The following CFAP54 variants were observed in gnomAD, a reference collection of about 807,000 sequenced individuals.
The protein encoded by CFAP54 is cilia and flagella associated protein 54.
Under a neutral mutation model 370.4 loss-of-function variants are expected in CFAP54, and 290 were observed. The observed-to-expected ratio is 0.78, with a 90% CI of 0.71 to 0.86. The LOEUF is 0.86. Among genes scored for constraint, CFAP54 ranks in the 40% least tolerant of loss-of-function variants. CFAP54 has a pLI of 0.00. For synonymous variants in CFAP54, 1,206 were observed against 1,236.5 expected, an observed-to-expected ratio of 0.98 and a Z score of 0.52; for missense variants, 3,399 against 3,528.7, an observed-to-expected ratio of 0.96 and a Z score of 0.93.
chr12:96,630,323 A>G, intron 31 of CFAP54, 119 bp downstream of exon 31: 1 of 590,614 alleles, frequency 1.7e-6, no homozygotes, highest in South Asian at 2.9e-5. Context: ...ACTAACAAGC[A>G]TAATTTTATA....
intron 30 of CFAP54, among the ~76,000 whole-genome samples, chr12:96,627,559 T>G (rs2136472243): frequency 6.6e-6 from 1 of 152,284 alleles, no homozygotes; most frequent in South Asian, 2.1e-4. Flanking sequence ...AACAGTAACA[T>G]GAAACCTGTT....
At chr12:96,597,276 A>G (rs932200711) in intron 25 of CFAP54, among the ~76,000 whole-genome samples, 2 of 151,796 alleles carry the variant, frequency 1.3e-5, no homozygotes, top group Admixed American at 6.6e-5. Context: ...AAATAATGTC[A>G]CTCCTAGTTC....
At chr12:96,774,957 G>A (rs1365650360) in intron 60 of CFAP54, among the ~76,000 whole-genome samples, 1 of 151,910 alleles carries the variant, frequency 6.6e-6, no homozygotes, top group Non-Finnish European at 1.5e-5. Context: ...TCTCCACTTG[G>A]TCATCCATGA....
At chr12:96,809,025 G>A (rs146496068) in intron 63 of CFAP54, among the ~76,000 whole-genome samples, 38 of 152,238 alleles carry the variant, frequency 2.5e-4, no homozygotes, top group African/African-American at 7.9e-4. Flanking sequence ...AATGTGAGGG[G>A]CATTATTCCA....
intron 14 of CFAP54, among the ~76,000 whole-genome samples, chr12:96,541,193 C>T (rs913187244): frequency 1.3e-5 from 2 of 152,014 alleles, no homozygotes; most frequent in Non-Finnish European, 1.5e-5. Context: ...AGGACAAAAT[C>T]CTTTTTGTCT....
At chr12:96,593,215 A>G (rs1956144366) in intron 24 of CFAP54, among the ~76,000 whole-genome samples, 1 of 152,180 alleles carries the variant, frequency 6.6e-6, no homozygotes, top group African/African-American at 2.4e-5. Flanking sequence ...TGCTGTATGT[A>G]CATCTGCAAC....
intron 55 of CFAP54, among the ~76,000 whole-genome samples, chr12:96,748,234 T>C (rs953248150): frequency 2.0e-5 from 3 of 152,240 alleles, no homozygotes; most frequent in Non-Finnish European, 1.5e-5. Context: ...TCTAGAGATA[T>C]CTAGAAGTTT....
intron 67 of CFAP54, among the ~76,000 whole-genome samples, chr12:96,868,351 C>T (rs1001771200): frequency 4.0e-5 from 6 of 150,632 alleles, no homozygotes; most frequent in Admixed American, 2.0e-4. Context: ...ATGTTTTTCA[C>T]ATTTTTTGGT....
rs187258627 is a variant in CFAP54, at chr12:96,801,674, C to G, written c.8850+9175C>G. 1.7e-4 allele frequency among the ~76,000 whole-genome samples: 26 copies of G among 152,272 alleles called. No homozygotes were observed. In the East Asian group the frequency reaches 4.6e-3, roughly 27 times the overall value. On this transcript the variant is annotated intron_variant, in intron 63 of 67. Coordinates refer to ENST00000524981, the MANE Select transcript of CFAP54 (RefSeq NM_001306084.2). ...ATCCAGCATTCCTAGGAGGATCCAG[C>G]CCATTTGAGGAACAGAATAAATTTG...
chr12:96,673,299 T>G (rs866850307), intron 39 of CFAP54, among the ~76,000 whole-genome samples: 3 of 152,198 alleles, frequency 2.0e-5, no homozygotes, highest in Admixed American at 1.3e-4. Flanking sequence ...AGTGCTCCAC[T>G]GTGCTACCTG....
At chr12:96,659,148 A>G (rs575510590) in intron 38 of CFAP54, among the ~76,000 whole-genome samples, 1 of 152,266 alleles carries the variant, frequency 6.6e-6, no homozygotes, top group Admixed American at 6.5e-5. Flanking sequence ...GTTTCTACAC[A>G]ATGTACCTGG....
At chr12:96,649,173 G>A (rs1206834572) in intron 34 of CFAP54, among the ~76,000 whole-genome samples, 1 of 152,152 alleles carries the variant, frequency 6.6e-6, no homozygotes, top group African/African-American at 2.4e-5. Flanking sequence ...GAGGGACTTG[G>A]CATGCTTTCT....
chr12:96,571,705 G>A (rs1442511198), intron 19 of CFAP54, among the ~76,000 whole-genome samples: 3 of 151,888 alleles, frequency 2.0e-5, no homozygotes, highest in Admixed American at 6.6e-5. Context: ...TGGTTTCATG[G>A]GAATTTTTCC....
intron 49 of CFAP54, among the ~76,000 whole-genome samples, chr12:96,719,257 A>G (rs1490280337): frequency 6.6e-6 from 1 of 152,204 alleles, no homozygotes; most frequent in Non-Finnish European, 1.5e-5. Flanking sequence ...AATTTGACTA[A>G]TATCATACAA....
intron 45 of CFAP54, among the ~76,000 whole-genome samples, chr12:96,697,407 A>ATAT (rs1957449112): frequency 6.6e-6 from 1 of 152,200 alleles, no homozygotes; most frequent in African/African-American, 2.4e-5. Flanking sequence ...ACCTCCTTTG[A>ATAT]TATTATATGG....
intron 62 of CFAP54, 66 bp downstream of exon 62, chr12:96,786,964 G>A (rs1958636236): frequency 8.6e-7 from 1 of 1,168,882 alleles, no homozygotes; most frequent in African/African-American, 1.6e-5. Flanking sequence ...TATTTCAGAA[G>A]GAAACACATT....
intron 49 of CFAP54, 93 bp downstream of exon 49, chr12:96,718,615 C>T (rs1159384726): frequency 2.1e-5 from 15 of 705,378 alleles, no homozygotes; most frequent in East Asian, 2.8e-5. Context: ...TATGCTTGCT[C>T]TTGTGAGAGC....
At chr12:96,820,868 A>G (rs1959025003) in intron 65 of CFAP54, among the ~76,000 whole-genome samples, 1 of 152,312 alleles carries the variant, frequency 6.6e-6, no homozygotes, top group South Asian at 2.1e-4. Context: ...TACCAAATTT[A>G]CCATATTGCT....
intron 66 of CFAP54, among the ~76,000 whole-genome samples, chr12:96,838,716 G>A (rs1361678309): frequency 1.3e-5 from 2 of 152,158 alleles, no homozygotes; most frequent in Non-Finnish European, 2.9e-5. Context: ...ATGAGATTTG[G>A]GTGGGAACAC....
Sources: allele counts gnomAD v4.1 joint callset (sites outside exome capture counted in the v4.1 genomes callset), GRCh38; gene constraint gnomAD v4.1.1; transcripts MANE v1.5; gene names NCBI Gene and HGNC (gene_info 2026-07-23, HGNC 2026-07-21).